Variants in IL6R observed in about 807,000 individuals in gnomAD.
IL6R encodes interleukin 6 receptor.
Under a neutral mutation model 48.3 loss-of-function variants are expected in IL6R, and 38 were observed. The ratio of observed to expected loss-of-function variants is 0.79; its 90% CI spans 0.61 to 1.03. The LOEUF (loss-of-function observed/expected upper bound fraction) is 1.03. IL6R is among the 50% of genes least tolerant of loss of function. The pLI, the probability that IL6R is intolerant of heterozygous loss-of-function variation, is 0.00. For missense variants in IL6R, 534 were observed against 618.3 expected, an observed-to-expected ratio of 0.86 and a Z score of 1.45; for synonymous variants, 264 against 256.2, an observed-to-expected ratio of 1.03 and a Z score of -0.29.
chr1:154,409,813 C>G (rs780630062), intron 1 of IL6R, among the ~76,000 whole-genome samples: 1 of 152,072 alleles, frequency 6.6e-6, no homozygotes, highest in South Asian at 2.1e-4. Context: ...GGTATGCTAG[C>G]GACTAGTGCT....
In IL6R at chr1:154,466,685, A is replaced by G. The variant is rs1368449721; in HGVS notation, c.*1305A>G. 1.3e-5 allele frequency: 2 copies of G among 154,612 alleles called. No homozygotes were observed. The highest frequency in any genetic ancestry group is 2.9e-5 in the Non-Finnish European group (2 of 69,506). The allele number at this position is 154,612 out of a possible 1,614,324, so 9.6% of individuals were successfully genotyped here. ...CAATGTGATAAAACCCCATCTCTAC[A>G]AAAAGCATAAAAATTAGCCAAGTGT... On this transcript the variant is annotated 3_prime_UTR_variant, in exon 10 of 10. Transcript: ENST00000368485.
chr1:154,414,453 G>T, intron 1 of IL6R: 1 of 1,226,282 alleles, frequency 8.2e-7, no homozygotes, highest in Non-Finnish European at 1.2e-6. Context: ...GGCTCCTGCT[G>T]CTGGCCGGCA....
chr1:154,428,803 G>C (rs560851966), intron 1 of IL6R, among the ~76,000 whole-genome samples: 13 of 152,196 alleles, frequency 8.5e-5, no homozygotes. Flanking sequence ...GGAAGAACGA[G>C]TGTGAGGAGG....
intron 9 of IL6R, among the ~76,000 whole-genome samples, chr1:154,458,778 G>A (rs1442897255): frequency 1.3e-5 from 2 of 151,942 alleles, no homozygotes; most frequent in African/African-American, 4.8e-5. Flanking sequence ...GTGCACACCT[G>A]TAATCCCAGC....
chr1:154,416,634 T>C (rs1688371231), intron 1 of IL6R, among the ~76,000 whole-genome samples: 1 of 151,884 alleles, frequency 6.6e-6, no homozygotes, highest in Admixed American at 6.6e-5. Context: ...TTGATGGTGA[T>C]GTGGAGTGAG....
At chr1:154,455,023 C>T (rs915252026) in intron 9 of IL6R, among the ~76,000 whole-genome samples, 58 of 152,054 alleles carry the variant, frequency 3.8e-4, no homozygotes, top group African/African-American at 1.4e-3. Flanking sequence ...AAGTGATCCT[C>T]CCACCTCAGC....
At chr1:154,439,389 A>G (rs547732064) in intron 6 of IL6R, among the ~76,000 whole-genome samples, 4 of 152,278 alleles carry the variant, frequency 2.6e-5, no homozygotes, top group African/African-American at 9.6e-5. Flanking sequence ...ATCTCAGCTC[A>G]ATGCAACCTC....
Position 154,425,610 on chromosome 1 carries a change from C to CAA in IL6R, c.86-3576_86-3575dup, listed in dbSNP as rs113911078. Among the ~76,000 whole-genome samples the CAA allele has an allele frequency of 7.2e-3, 995 of 138,404 alleles. 10 individuals carry two copies. The highest frequency in any genetic ancestry group is 0.025 in the African/African-American group (945 of 37,820). 90.8% of individuals were successfully genotyped at this position (138,404 alleles called of 152,430 possible). A position where few individuals can be genotyped will look rare whatever the true frequency, so the allele number is the denominator to read the frequency against. On this transcript the variant is annotated intron_variant, in intron 1 of 9. Transcript: ENST00000368485. ...GGCAATATAGTGAAACCTCATCTCT[C>CAA]AAAAAAAAAAATATACAGCCAGTCA...
chr1:154,412,945 C>CTTT (rs552986834), intron 1 of IL6R, among the ~76,000 whole-genome samples: 1 of 132,830 alleles, frequency 7.5e-6, no homozygotes, highest in Non-Finnish European at 1.6e-5. Context: ...AGAACTTCCT[C>CTTT]TTTTTTTTTT....
At chr1:154,458,035 T>C (rs1416888126) in intron 9 of IL6R, among the ~76,000 whole-genome samples, 3 of 151,154 alleles carry the variant, frequency 2.0e-5, no homozygotes, top group Non-Finnish European at 4.4e-5. Flanking sequence ...GGCGCGATCT[T>C]GGCTCACTGC....
chr1:154,411,882 C>A (rs557606776), intron 1 of IL6R, among the ~76,000 whole-genome samples: 253 of 150,656 alleles, frequency 1.7e-3, no homozygotes, highest in African/African-American at 5.9e-3. Context: ...ACAACAACAA[C>A]AAAAGTATAA....
chr1:154,448,505 G>T (rs1052241633), intron 7 of IL6R, among the ~76,000 whole-genome samples: 2 of 152,184 alleles, frequency 1.3e-5, no homozygotes, highest in African/African-American at 4.8e-5. Flanking sequence ...TGGACTCTTG[G>T]TGACATAATT....
In IL6R at chr1:154,434,699, C is replaced by T. The variant is rs1413706005; in HGVS notation, c.639C>T (p.Ile213=). The change falls in exon 4 of 10, where the codon ATC becomes ATT. Residue 213 remains isoleucine, a splice_region_variant and synonymous_variant. Transcript: ENST00000368485. ...SKTQTFQGCG[I]LQPDPPANIT... ...CTCAAACCTTTCAGGGTTGTGGAAT[C>T]TGTACGTAAGCTCTAACCCCCTCTC... 2 of 1,613,454 alleles carry T rather than the reference C, an allele frequency of 1.2e-6. No individual in the cohort carries two copies. The highest frequency in any genetic ancestry group is 3.3e-5 in the Admixed American group (2 of 59,936).
intron 8 of IL6R, among the ~76,000 whole-genome samples, chr1:154,452,980 G>C (rs12126142): frequency 6.6e-6 from 1 of 151,858 alleles, no homozygotes; most frequent in Non-Finnish European, 1.5e-5. Flanking sequence ...CGAGGTGGGC[G>C]GATCACCTAA....
intron 5 of IL6R, 44 bp downstream of exon 5, chr1:154,435,200 G>C (rs760531037): frequency 6.3e-7 from 1 of 1,585,612 alleles, no homozygotes; most frequent in Admixed American, 1.7e-5. Context: ...GCCCCTAGAT[G>C]CTTAGGCGTA....
At position 154,408,911 on chromosome 1, in the gene IL6R, G is replaced by A. The variant is rs147268575; in HGVS notation, c.85+3197G>A. On this transcript the variant is annotated intron_variant, in intron 1 of 9. Transcript: ENST00000368485. ...TGTAATCCCAGTACTTTGGGAGGCT[G>A]AGGCAGGAGGATCTCTTGAGCTCAG... Among the ~76,000 whole-genome samples, 401 of 152,270 alleles carry A rather than the reference G, an allele frequency of 2.6e-3. 1 individual carries two copies. The highest frequency in any genetic ancestry group is 4.7e-3 in the Non-Finnish European group (319 of 68,016).
intron 6 of IL6R, among the ~76,000 whole-genome samples, chr1:154,446,810 G>A (rs1690254144): frequency 6.6e-6 from 1 of 152,086 alleles, no homozygotes; most frequent in Non-Finnish European, 1.5e-5. Context: ...CTGGTGATGT[G>A]TATCTTTCCA....
intron 1 of IL6R, among the ~76,000 whole-genome samples, chr1:154,419,696 G>A (rs1351994154): frequency 1.3e-5 from 2 of 152,208 alleles, no homozygotes; most frequent in African/African-American, 2.4e-5. Flanking sequence ...CTGGTTCACC[G>A]CTTACATAAA....
At chr1:154,427,135 GTCTCGA>G (rs2149231740) in intron 1 of IL6R, among the ~76,000 whole-genome samples, 1 of 152,224 alleles carries the variant, frequency 6.6e-6, no homozygotes, top group African/African-American at 2.4e-5. Context: ...GGCCAGGATG[GTCTCGA>G]TCTCTTGACT....
Sources: allele counts gnomAD v4.1 joint callset (sites outside exome capture counted in the v4.1 genomes callset), GRCh38; gene constraint gnomAD v4.1.1; transcripts MANE v1.5; gene names NCBI Gene and HGNC (gene_info 2026-07-23, HGNC 2026-07-21).